Variants in SEC24B observed in about 807,000 individuals in gnomAD.
SEC24B encodes protein transport protein Sec24B.
Under a neutral mutation model 142.8 loss-of-function variants are expected in SEC24B, and 45 were observed. The observed-to-expected ratio is 0.32, with a 90% CI of 0.25 to 0.40. The LOEUF is 0.40. Ranked by LOEUF, SEC24B falls within the 10% of genes least tolerant of loss-of-function variation. The probability of loss-of-function intolerance (pLI) is 1.00; values close to 1 mark genes in which losing one functional copy is unlikely to be tolerated. For missense variants in SEC24B, 1,409 were observed against 1,526.8 expected, an observed-to-expected ratio of 0.92 and a Z score of 1.29; for synonymous variants, 574 against 568.2, an observed-to-expected ratio of 1.01 and a Z score of -0.15.
intron 6 of SEC24B, among the ~76,000 whole-genome samples, chr4:109,498,187 A>ATT: frequency 6.6e-6 from 1 of 152,246 alleles, no homozygotes; most frequent in South Asian, 2.1e-4. Flanking sequence ...ACAAGCAGCT[A>ATT]TTTTTGTCTG....
chr4:109,437,391 C>G (rs1033593964), intron 1 of SEC24B, among the ~76,000 whole-genome samples: 1 of 152,006 alleles, frequency 6.6e-6, no homozygotes, highest in African/African-American at 2.4e-5. Flanking sequence ...TCAAGTGATC[C>G]TCCTGCCTCA....
At chr4:109,483,124 G>T (rs1273822458) in intron 4 of SEC24B, among the ~76,000 whole-genome samples, 2 of 145,656 alleles carry the variant, frequency 1.4e-5, no homozygotes, top group African/African-American at 5.2e-5. Flanking sequence ...CTGTTGCCCA[G>T]GCTGGAGTGC....
intron 17 of SEC24B, among the ~76,000 whole-genome samples, chr4:109,527,105 G>A (rs1293517588): frequency 6.6e-6 from 1 of 151,826 alleles, no homozygotes; most frequent in Non-Finnish European, 1.5e-5. Flanking sequence ...TGTAATCCCA[G>A]CTACTTGGGA....
chr4:109,494,881 A>T, intron 6 of SEC24B, 25 bp downstream of exon 6: 1 of 1,608,846 alleles, frequency 6.2e-7, no homozygotes, highest in Non-Finnish European at 8.5e-7. Context: ...ATATACACAC[A>T]TTGTAACAGT....
chr4:109,437,071 T>TA (rs1370150516), intron 1 of SEC24B, among the ~76,000 whole-genome samples: 2 of 152,202 alleles, frequency 1.3e-5, no homozygotes, highest in African/African-American at 4.8e-5. Flanking sequence ...TTGTGATACT[T>TA]ATGATAGGCA....
rs1419824358 is a variant in SEC24B, at chr4:109,463,250, T to C, written c.483T>C (p.Ser161=). The C allele has an allele frequency of 6.2e-7, 1 of 1,614,142 alleles. No individual in the cohort carries two copies. Residue 161 remains serine (S), a synonymous_variant, in exon 2 of 24, where the codon AGT becomes AGC. Coordinates refer to ENST00000265175, the MANE Select transcript of SEC24B (RefSeq NM_006323.5). ...CCTCTTTTGTGAATCACTACAATAG[T>C]CCAGCCATGTACTCTGCCAGCTCTT... ...PYSSFVNHYN[S]PAMYSASSSV... is the part of the protein sequence containing the mutation.
chr4:109,459,533 A>G (rs2125925632), intron 1 of SEC24B, among the ~76,000 whole-genome samples: 1 of 152,300 alleles, frequency 6.6e-6, no homozygotes, highest in East Asian at 1.9e-4. Context: ...GGGAACATTT[A>G]GGTCTTGATA....
chr4:109,518,194 T>C (rs1021898277), intron 11 of SEC24B, among the ~76,000 whole-genome samples: 1 of 152,104 alleles, frequency 6.6e-6, no homozygotes, highest in Non-Finnish European at 1.5e-5. Flanking sequence ...AAATAGCAAG[T>C]ATAGGATACG....
intron 5 of SEC24B, among the ~76,000 whole-genome samples, chr4:109,493,094 A>G (rs997258264): frequency 5.3e-5 from 8 of 151,918 alleles, no homozygotes; most frequent in Non-Finnish European, 1.0e-4. Flanking sequence ...TTCCATCACC[A>G]TGAGGAGGGA....
intron 18 of SEC24B, among the ~76,000 whole-genome samples, chr4:109,528,638 T>C (rs1316073795): frequency 1.3e-5 from 2 of 152,242 alleles, no homozygotes; most frequent in South Asian, 2.1e-4. Context: ...ATTTGACACA[T>C]AACCACTATA....
In SEC24B at chr4:109,537,222, A is replaced by G. The variant is rs1319151124; in HGVS notation, c.3589-1271A>G. Among the ~76,000 whole-genome samples the G allele has an allele frequency of 2.0e-5, 3 of 152,212 alleles. No individual in the cohort carries two copies. The South Asian group carries it at 6.2e-4, about 32-fold the overall frequency. On this transcript the variant is annotated intron_variant, in intron 22 of 23. Transcript: ENST00000265175. ...CATTTCTTTCATTTACCAGATTGTC[A>G]AAAATTTTAAAATTTGATAATAGGC... is the stretch of plus-strand genomic sequence containing the variant.
chr4:109,537,278 CTG>C (rs1245715033), intron 22 of SEC24B, among the ~76,000 whole-genome samples: 5 of 152,166 alleles, frequency 3.3e-5, no homozygotes, highest in African/African-American at 9.7e-5. Flanking sequence ...ACAGTGGACA[CTG>C]TTGAGCATTA....
chr4:109,530,557 T>TCC, intron 19 of SEC24B, 93 bp downstream of exon 19: 3 of 1,003,440 alleles, frequency 3.0e-6, no homozygotes, highest in Non-Finnish European at 4.4e-6. Flanking sequence ...TTTCTAATAC[T>TCC]TAACTAGAGG....
At chr4:109,489,352 C>T (rs988841437) in intron 4 of SEC24B, among the ~76,000 whole-genome samples, 13 of 151,636 alleles carry the variant, frequency 8.6e-5, no homozygotes, top group African/African-American at 2.4e-4. Flanking sequence ...ATATTATTTC[C>T]CCATTGAAAT....
At chr4:109,456,334 G>GTTTTTTT (rs70949081) in intron 1 of SEC24B, among the ~76,000 whole-genome samples, 2 of 94,104 alleles carry the variant, frequency 2.1e-5, no homozygotes, top group Non-Finnish European at 4.2e-5. Context: ...GGTTTTTTTT[G>GTTTTTTT]TTTTTTTTTT....
Position 109,521,621 on chromosome 4 carries a change from A to T in SEC24B, c.2503A>T (p.Thr835Ser). The T allele has an allele frequency of 1.9e-6, 3 of 1,607,012 alleles. No homozygotes were observed. The highest frequency in any genetic ancestry group is 2.6e-6 in the Non-Finnish European group (3 of 1,174,650). ...SREDPNQRSS[T>S]KVVQHLGPAT... ...AGAAGATCCTAATCAGAGATCAAGT[A>T]CAAAGGTATTTTATGTTTAGTTTTT... Residue 835 changes from threonine to serine, a missense_variant, in exon 14 of 24, where the codon ACA becomes TCA. Around this residue, in one of 2 missense-constraint regions of SEC24B, gnomAD observed 700 missense variants for 853.3 expected, o/e 0.82. Coordinates refer to ENST00000265175, the MANE Select transcript of SEC24B (RefSeq NM_006323.5).
At chr4:109,538,739 C>T (rs1725832571) in intron 23 of SEC24B, 143 bp downstream of exon 23, 1 of 570,280 alleles carries the variant, frequency 1.8e-6, no homozygotes, top group Admixed American at 3.2e-5. Context: ...CCCTGTATTC[C>T]ATTTTCTGAC....
intron 1 of SEC24B, among the ~76,000 whole-genome samples, chr4:109,434,218 C>G (rs1284025142): frequency 6.6e-6 from 1 of 151,454 alleles, no homozygotes; most frequent in Admixed American, 6.6e-5. Flanking sequence ...GGGTGGGACG[C>G]CCCTGGCGTG....
At chr4:109,538,019 A>G (rs1419013952) in intron 22 of SEC24B, among the ~76,000 whole-genome samples, 1 of 152,190 alleles carries the variant, frequency 6.6e-6, no homozygotes. Context: ...TTTAAAATAT[A>G]TTTACATATC....
Sources: gnomAD v4.1 joint callset for allele counts (sites outside exome capture counted in the v4.1 genomes callset) on GRCh38, gnomAD v4.1.1 for gene constraint, gnomAD v4.1.1 regional missense constraint, MANE v1.5 for transcripts, NCBI Gene and HGNC (gene_info 2026-07-23, HGNC 2026-07-21) for gene names.